Variants in DNAH11 observed in about 807,000 individuals in gnomAD.
DNAH11 encodes the protein axonemal beta dynein heavy chain 11.
A neutral mutation model predicts 526.0 loss-of-function variants in DNAH11; 442 were observed. That is an observed-to-expected ratio of 0.84 (90% CI 0.78 to 0.91). The LOEUF (loss-of-function observed/expected upper bound fraction) is 0.91, where lower values mean the gene tolerates loss of function less well. DNAH11 is among the 40% of genes least tolerant of loss of function. The probability of loss-of-function intolerance (pLI) is 0.00; values close to 1 mark genes in which losing one functional copy is unlikely to be tolerated. For missense variants in DNAH11, 6,989 were observed against 5,448.7 expected (o/e 1.28, Z -8.90); for synonymous variants, 2,461 against 1,935.9 (o/e 1.27, Z -7.12).
intron 65 of DNAH11, among the ~76,000 whole-genome samples, chr7:21,835,484 A>G (rs897334448): frequency 5.3e-5 from 8 of 152,208 alleles, no homozygotes; most frequent in African/African-American, 1.9e-4. Flanking sequence ...AATGTGATAC[A>G]TCACATTAAC....
intron 9 of DNAH11, among the ~76,000 whole-genome samples, chr7:21,586,601 A>T (rs1181603377): frequency 6.6e-6 from 1 of 152,196 alleles, no homozygotes; most frequent in Non-Finnish European, 1.5e-5. Context: ...AAATATTTGC[A>T]AATTTTTATT....
chr7:21,635,804 C>G, intron 25 of DNAH11, 67 bp from the exon 26 acceptor site: 218 of 1,244,052 alleles, frequency 1.8e-4, no homozygotes, highest in Non-Finnish European at 2.2e-4. Context: ...AGATATAGTG[C>G]CTCCCTCATA....
At chr7:21,678,151 A>G (rs1365394070) in intron 30 of DNAH11, among the ~76,000 whole-genome samples, 1 of 150,146 alleles carries the variant, frequency 6.7e-6, no homozygotes, top group African/African-American at 2.4e-5. Flanking sequence ...TGTCAAGACC[A>G]AAGTCATGAA....
In DNAH11 at chr7:21,601,145, T is replaced by A. The variant is rs756403735; in HGVS notation, c.3391T>A (p.Phe1131Ile). 4.4e-6 allele frequency: 7 copies of A among 1,603,672 alleles called. No individual in the cohort carries two copies. In the African/African-American group the frequency reaches 9.4e-5, roughly 22 times the overall value. Residue 1131 changes from phenylalanine to isoleucine, a missense_variant, in exon 17 of 82, where the codon TTT (phenylalanine) becomes ATT (isoleucine). Physicochemically the swap from Phe to Ile is conservative, Grantham distance 21 (BLOSUM62 0). Coordinates refer to ENST00000409508, the MANE Select transcript of DNAH11 (RefSeq NM_001277115.2). Reference sequence around the variant, plus strand: ...CATAATTAAGAAATGGAGCTGGATGTTTCAGGAGCATCTTTTGAGATTTGT... The same window carrying A: ...CATAATTAAGAAATGGAGCTGGATGATTCAGGAGCATCTTTTGAGATTTGT... ...LTIIKKWSWM[F>I]QEHLLRFVID...
chr7:21,809,443 G>C lies in DNAH11; in HGVS notation c.10332+1394G>C, dbSNP rs984435768. Among the ~76,000 whole-genome samples, 5 of 151,986 alleles carry C rather than the reference G, an allele frequency of 3.3e-5. No homozygotes were observed. The East Asian group carries it at 9.6e-4, about 29-fold the overall frequency. On this transcript the variant is annotated intron_variant, in intron 63 of 81. Coordinates refer to ENST00000409508, the MANE Select transcript of DNAH11 (RefSeq NM_001277115.2). ...GTCTTAACCAAAAAATCTTTGCCCA[G>C]ATGTCCTGAAGCATTTTCCCAATTT...
chr7:21,834,239 A>C (rs1203079967), intron 65 of DNAH11, among the ~76,000 whole-genome samples: 1 of 152,204 alleles, frequency 6.6e-6, no homozygotes, highest in African/African-American at 2.4e-5. Context: ...AGATTAAAAA[A>C]TGTACTCCTA....
At chr7:21,834,323 C>A (rs560835254) in intron 65 of DNAH11, among the ~76,000 whole-genome samples, 8 of 152,122 alleles carry the variant, frequency 5.3e-5, no homozygotes, top group South Asian at 4.2e-4. Flanking sequence ...GAAGCACATA[C>A]CAAAACCTAT....
intron 74 of DNAH11, among the ~76,000 whole-genome samples, chr7:21,873,783 G>GTTTT (rs1783589697): frequency 2.0e-4 from 6 of 29,964 alleles, no homozygotes; most frequent in African/African-American, 6.7e-4. Flanking sequence ...TGAGGAGGTT[G>GTTTT]CTTTTTTTTT....
At chr7:21,705,214 C>G (rs1297594371) in intron 38 of DNAH11, among the ~76,000 whole-genome samples, 1 of 151,996 alleles carries the variant, frequency 6.6e-6, no homozygotes, top group African/African-American at 2.4e-5. Context: ...TGTAAGTAAC[C>G]CCTGCCATAT....
At chr7:21,632,734 T>C (rs1786674388) in intron 25 of DNAH11, among the ~76,000 whole-genome samples, 1 of 152,164 alleles carries the variant, frequency 6.6e-6, no homozygotes, top group African/African-American at 2.4e-5. Flanking sequence ...CATTCAAGTC[T>C]CTAGGGAGTT....
chr7:21,865,176 C>G (rs915238848), intron 70 of DNAH11, among the ~76,000 whole-genome samples: 2 of 152,104 alleles, frequency 1.3e-5, no homozygotes, highest in African/African-American at 4.8e-5. Flanking sequence ...GTCAAAGGCC[C>G]TATTGTTAGA....
chr7:21,816,377 A>G (rs1054562454), intron 63 of DNAH11, 90 bp from the exon 64 acceptor site: 25 of 1,015,528 alleles, frequency 2.5e-5, no homozygotes, highest in Non-Finnish European at 3.4e-5. Context: ...ACCTAGGGTT[A>G]CTTTCTCATG....
In DNAH11 at chr7:21,750,342, C is replaced by T; in HGVS notation, c.8918C>T (p.Ala2973Val). 6.2e-7 allele frequency: 1 copy of T among 1,604,748 alleles called. No homozygotes were observed. The highest frequency in any genetic ancestry group is 1.1e-5 in the South Asian group (1 of 88,858). ...SRENCWKFFM[A>V]RVRLQLKIIL... The stretch of plus-strand genomic sequence containing the variant: ...GAAAACTGTTGGAAATTCTTTATGG[C>T]CAGGGTGCGACTACAGCTCAAAGTA... The change falls in exon 54 of 82, where the codon GCC (alanine) becomes GTC (valine). Residue 2973 changes from alanine (A) to valine (V), a missense_variant. Ala to Val is a moderately conservative substitution (Grantham distance 64). Transcript: ENST00000409508.
chr7:21,898,580 C>T (rs1167243858), intron 79 of DNAH11, among the ~76,000 whole-genome samples: 1 of 152,190 alleles, frequency 6.6e-6, no homozygotes, highest in African/African-American at 2.4e-5. Context: ...CTCCTGGTCC[C>T]CTTTAAGCAG....
At chr7:21,572,386 T>C (rs1277406828) in intron 8 of DNAH11, among the ~76,000 whole-genome samples, 7 of 152,208 alleles carry the variant, frequency 4.6e-5, no homozygotes, top group African/African-American at 1.7e-4. Flanking sequence ...CATTTACATG[T>C]TGGTTGTTTC....
At chr7:21,589,150 T>C in intron 11 of DNAH11, 58 bp from the exon 12 acceptor site, 1 of 1,317,792 alleles carries the variant, frequency 7.6e-7, no homozygotes, top group Non-Finnish European at 1.0e-6. Flanking sequence ...TATACAATTA[T>C]TAAGCGGAAA....
chr7:21,744,683 A>C (rs756117169), intron 50 of DNAH11, 84 bp downstream of exon 50: 158 of 1,548,362 alleles, frequency 1.0e-4, no homozygotes, highest in Non-Finnish European at 1.3e-4. Context: ...GTATGAGAGA[A>C]GTGCACAAGG....
At chr7:21,675,715 C>A (rs558109043) in intron 30 of DNAH11, among the ~76,000 whole-genome samples, 3 of 152,260 alleles carry the variant, frequency 2.0e-5, no homozygotes, top group Admixed American at 1.3e-4. Context: ...TGGACACATG[C>A]TTTATGCTGG....
intron 71 of DNAH11, 64 bp from the exon 72 acceptor site, chr7:21,867,795 C>G (rs1229636570): frequency 3.3e-6 from 5 of 1,493,862 alleles, no homozygotes; most frequent in East Asian, 2.5e-5. Flanking sequence ...TAAGCTTATC[C>G]AAATGGTGAC....
Sources: gnomAD v4.1 joint callset for allele counts (sites outside exome capture counted in the v4.1 genomes callset) on GRCh38, gnomAD v4.1.1 for gene constraint, MANE v1.5 for transcripts, NCBI Gene and HGNC (gene_info 2026-07-23, HGNC 2026-07-21) for gene names.